Variants in DRAXIN observed in about 807,000 individuals in gnomAD.
The protein encoded by DRAXIN is dorsal repulsive axon guidance protein.
Under a neutral mutation model 33.9 loss-of-function variants are expected in DRAXIN, and 27 were observed. The observed-to-expected ratio is 0.80, with a 90% CI of 0.59 to 1.10. The LOEUF is 1.10. Ranked by LOEUF, DRAXIN falls within the 50% of genes least tolerant of loss-of-function variation. The pLI is 0.00. For synonymous variants in DRAXIN, 178 were observed against 194.0 expected, an observed-to-expected ratio of 0.92 and a Z score of 0.69; for missense variants, 371 against 460.8, an observed-to-expected ratio of 0.81 and a Z score of 1.78.
intron 5 of DRAXIN, among the ~76,000 whole-genome samples, chr1:11,714,624 G>A (rs1641545694): frequency 6.6e-6 from 1 of 152,250 alleles, no homozygotes; most frequent in Non-Finnish European, 1.5e-5. Flanking sequence ...TCCCTGACAG[G>A]CTGCTTCATT....
In DRAXIN at chr1:11,706,822, G is replaced by A. The variant is rs1396842341; in HGVS notation, c.451+113G>A. 1 of 1,245,164 alleles carries A rather than the reference G, an allele frequency of 8.0e-7. No individual in the cohort carries two copies. Among genetic ancestry groups the A allele is most frequent in the South Asian group, 1.6e-5 (1 of 61,812 alleles). 77.1% of individuals were successfully genotyped at this position (1,245,164 alleles called of 1,614,324 possible). A position where few individuals can be genotyped will look rare whatever the true frequency, so the allele number is the denominator to read the frequency against. On this transcript the variant is annotated intron_variant, in intron 2 of 6. Coordinates refer to ENST00000294485, the MANE Select transcript of DRAXIN (RefSeq NM_198545.4). This position sits in a 1 kb window ranked among gnomAD's most constrained non-coding sequence, Gnocchi z 5.5. The stretch of plus-strand genomic sequence containing the variant: ...GGCATGAGGTCCAGAGGAGAGGAGG[G>A]GTCTCACTGAAGCCAGAGGGACCTG...
At chr1:11,688,560 CAA>C (rs35208427), upstream of DRAXIN, among the ~76,000 whole-genome samples, 21 of 147,048 alleles carry the variant, frequency 1.4e-4, no homozygotes, top group African/African-American at 1.7e-4. The surrounding 1 kb of genome is among the most constrained non-coding windows in gnomAD (Gnocchi z 4.6). Context: ...GACTGCATCT[CAA>C]AAAAAAAAAA....
In DRAXIN at chr1:11,719,683, T is replaced by C. The variant is rs906451759; in HGVS notation, c.1037T>C (p.Phe346Ser). 1 of 1,613,936 alleles carries C rather than the reference T, an allele frequency of 6.2e-7. No homozygotes were observed. The highest frequency in any genetic ancestry group is 8.5e-7 in the Non-Finnish European group (1 of 1,179,896). ...PETANGDQGS[F>S]INV is the part of the protein sequence containing the mutation. ...ACGGCCAACGGCGACCAGGGATCCT[T>C]CATCAACGTCTAGCGGCCCCGCGGG... The change falls in exon 7 of 7, where the codon TTC becomes TCC. Residue 346 changes from phenylalanine to serine, a missense_variant. Coordinates refer to ENST00000294485, the MANE Select transcript of DRAXIN (RefSeq NM_198545.4).
chr1:11,698,640 G>A (rs1165831292), intron 1 of DRAXIN, among the ~76,000 whole-genome samples: 1 of 152,174 alleles, frequency 6.6e-6, no homozygotes, highest in Non-Finnish European at 1.5e-5. Context: ...ATCACTTGAG[G>A]CCAGAAGTTC....
intron 1 of DRAXIN, among the ~76,000 whole-genome samples, chr1:11,699,914 G>A (rs1477874949): frequency 6.7e-6 from 1 of 149,132 alleles, no homozygotes; most frequent in African/African-American, 2.5e-5. Flanking sequence ...GTGACACAGC[G>A]AGACTCACTC....
chr1:11,718,853 C>G (rs1372744504), intron 6 of DRAXIN, among the ~76,000 whole-genome samples: 2 of 152,100 alleles, frequency 1.3e-5, no homozygotes, highest in African/African-American at 2.4e-5. Flanking sequence ...GCAGTTTCTC[C>G]TATTAATAAC....
chr1:11,690,191 TGA>T (rs1204616066), upstream of DRAXIN, among the ~76,000 whole-genome samples: 1 of 152,180 alleles, frequency 6.6e-6, no homozygotes, highest in Non-Finnish European at 1.5e-5. This position sits in a 1 kb window ranked among gnomAD's most constrained non-coding sequence, Gnocchi z 4.2. Flanking sequence ...CACTAGAATC[TGA>T]GCTCCATGGG....
rs1040239765 is a variant in DRAXIN, at chr1:11,705,377, G to A, written c.-10-872G>A. On this transcript the variant is annotated intron_variant, in intron 1 of 6. Transcript: ENST00000294485. The surrounding 1 kb of genome is among the most constrained non-coding windows in gnomAD (Gnocchi z 4.8). Reference sequence around the variant, plus strand: ...AGCTTCTCCCTCCAGTGTGGAGGGAGGGCACTGGGTCCCCTGAGGGGGATA... The same window carrying A: ...AGCTTCTCCCTCCAGTGTGGAGGGAAGGCACTGGGTCCCCTGAGGGGGATA... Among the ~76,000 whole-genome samples, 2 of 152,064 alleles carry A rather than the reference G, an allele frequency of 1.3e-5. No individual in the cohort carries two copies. The highest frequency in any genetic ancestry group is 2.4e-5 in the African/African-American group (1 of 41,402).
At chr1:11,712,230 C>A in intron 4 of DRAXIN, 110 bp from the exon 5 acceptor site, 1 of 1,302,952 alleles carries the variant, frequency 7.7e-7, no homozygotes. Flanking sequence ...AGTGCCTTGT[C>A]CAAGCCATGC....
At chr1:11,712,473 G>A (rs1206583325) in intron 5 of DRAXIN, 44 bp downstream of exon 5, 1 of 1,608,828 alleles carries the variant, frequency 6.2e-7, no homozygotes. Context: ...CTGGGTACTG[G>A]GAGGGAACCT....
At chr1:11,701,228 A>T (rs1641269329) in intron 1 of DRAXIN, among the ~76,000 whole-genome samples, 1 of 152,180 alleles carries the variant, frequency 6.6e-6, no homozygotes, top group Non-Finnish European at 1.5e-5. Context: ...TGAGGGAGGC[A>T]GGTGGCCCCA....
At chr1:11,693,714 A>G (rs1641141522) in intron 1 of DRAXIN, among the ~76,000 whole-genome samples, 2 of 152,004 alleles carry the variant, frequency 1.3e-5, no homozygotes, top group Middle Eastern at 3.2e-3. Flanking sequence ...CCTTCATACC[A>G]TCTCTACCCC....
At position 11,722,882 on chromosome 1, in the gene DRAXIN, A is replaced by G. The variant is rs1641675473; in HGVS notation, c.*3186A>G. On this transcript the variant is annotated 3_prime_UTR_variant, in exon 7 of 7. Transcript: ENST00000294485. ...TGCTCTGCTGCCCAGGCTGGAATGC[A>G]GTGGCTCAGTCTCAGCTCACTGCAA... The G allele has an allele frequency of 6.7e-6, 1 of 149,174 alleles. No homozygotes were observed. Among genetic ancestry groups the G allele is most frequent in the Non-Finnish European group, 1.5e-5 (1 of 67,740 alleles). 9.2% of individuals were successfully genotyped at this position (149,174 alleles called of 1,614,324 possible).
At chr1:11,712,297 C>CT in intron 4 of DRAXIN, 43 bp from the exon 5 acceptor site, 1 of 1,610,454 alleles carries the variant, frequency 6.2e-7, no homozygotes, top group Non-Finnish European at 8.5e-7. Flanking sequence ...AACCTCTGCT[C>CT]TGCTGGGCCC....
rs1473794236 is a variant in DRAXIN, at chr1:11,696,358, C to A, written c.-11+4505C>A. On this transcript the variant is annotated intron_variant, in intron 1 of 6. Transcript: ENST00000294485. This position sits in a 1 kb window ranked among gnomAD's most constrained non-coding sequence, Gnocchi z 4.7. ...ATCCCAGCACTTTGGGAGACAGAGG[C>A]AGGCGGATCATGAGGTCAGGAGTTC... Among the ~76,000 whole-genome samples the A allele has an allele frequency of 2.6e-5, 4 of 152,206 alleles. No individual in the cohort carries two copies. The highest frequency in any genetic ancestry group is 5.9e-5 in the Non-Finnish European group (4 of 68,032).
intron 5 of DRAXIN, among the ~76,000 whole-genome samples, 180 bp from the exon 6 acceptor site, chr1:11,714,939 G>C (rs1439558799): frequency 3.3e-5 from 5 of 152,254 alleles, no homozygotes; most frequent in Non-Finnish European, 5.9e-5. Flanking sequence ...ACCCTTGGGG[G>C]CCTCGGCCAT....
chr1:11,693,525 C>T (rs1301143522), intron 1 of DRAXIN, among the ~76,000 whole-genome samples: 2 of 152,196 alleles, frequency 1.3e-5, no homozygotes, highest in African/African-American at 4.8e-5. Context: ...AGGGAAACCT[C>T]CCAGCTGGCA....
intron 1 of DRAXIN, among the ~76,000 whole-genome samples, chr1:11,698,110 T>C (rs1296029605): frequency 1.3e-5 from 2 of 152,020 alleles, no homozygotes; most frequent in Non-Finnish European, 2.9e-5. Flanking sequence ...AGTAGTCAAG[T>C]CTCATGGCAG....
rs976166365 is a variant in DRAXIN, at chr1:11,704,242, T to C, written c.-10-2007T>C. 1.3e-5 allele frequency among the ~76,000 whole-genome samples: 2 copies of C among 152,198 alleles called. No individual in the cohort carries two copies. The highest frequency in any genetic ancestry group is 4.8e-5 in the African/African-American group (2 of 41,454). On this transcript the variant is annotated intron_variant, in intron 1 of 6. Transcript: ENST00000294485. The surrounding 1 kb of genome is among the most constrained non-coding windows in gnomAD (Gnocchi z 4.6). ...CGCTCTTCGGGCTTCTCCCAGGCTG[T>C]CATGTCCCTGCAGGACAGAAAGGCA...
Sources: allele counts gnomAD v4.1 joint callset (sites outside exome capture counted in the v4.1 genomes callset), GRCh38; gene constraint gnomAD v4.1.1; non-coding constraint Gnocchi (gnomAD v3.1); transcripts MANE v1.5; gene names NCBI Gene and HGNC (gene_info 2026-07-23, HGNC 2026-07-21).